EXOSC8: variants seen among roughly 807,000 people sequenced by gnomAD.
The protein encoded by EXOSC8 is exosome component 8.
In EXOSC8, 37 loss-of-function variants were observed where a neutral mutation model predicts 39.9. The ratio of observed to expected loss-of-function variants is 0.93; its 90% CI spans 0.71 to 1.22. The LOEUF is 1.22. Ranked by LOEUF, EXOSC8 falls within the 50% of genes most tolerant of loss-of-function variation. The pLI is 0.00. For synonymous variants in EXOSC8, 93 were observed against 109.5 expected, an observed-to-expected ratio of 0.85 and a Z score of 0.94; for missense variants, 313 against 326.6, an observed-to-expected ratio of 0.96 and a Z score of 0.32.
intron 7 of EXOSC8, among the ~76,000 whole-genome samples, chr13:37,006,770 A>C (rs139747953): frequency 8.5e-5 from 13 of 152,360 alleles, no homozygotes; most frequent in African/African-American, 2.9e-4. Context: ...CCTGGCAATC[A>C]AAAGCCAGCT....
Position 37,009,608 on chromosome 13 carries a change from AACTC to A in EXOSC8, c.*311_*314del. The A allele has an allele frequency of 6.3e-7, 1 of 1,594,608 alleles. No homozygotes were observed. The highest frequency in any genetic ancestry group is 8.6e-7 in the Non-Finnish European group (1 of 1,163,398). On this transcript the variant is annotated 3_prime_UTR_variant, in exon 11 of 11. Transcript: ENST00000389704. ...CACATTAAAAAAAACAAAAAGTAGAAACTCAATTCTTTTGATTCAGTGCTCTTGT... is the reference window on the plus strand; with the variant it reads ...CACATTAAAAAAAACAAAAAGTAGAAAATTCTTTTGATTCAGTGCTCTTGT...
chr13:37,002,410 T>A (rs570221508), intron 2 of EXOSC8, 78 bp from the exon 3 acceptor site: 1 of 1,347,704 alleles, frequency 7.4e-7, no homozygotes, highest in South Asian at 1.2e-5. Context: ...TAACATTTAA[T>A]GTGTGTGTAA....
rs1421308588 is a variant in EXOSC8 at position 37,008,093 on chromosome 13, CT to C, written c.527del (p.Leu176Ter). Reference sequence around the variant, plus strand: ...GAAGTTACTATAAATGAAGAAACTGCTTTAGCAGAAGTTAATTTAAAGAAGA... The same window carrying C: ...GAAGTTACTATAAATGAAGAAACTGCTTAGCAGAAGTTAATTTAAAGAAGA... ...LPEVTINEET[A>X]LAEVNLKKKS... On this transcript the variant is annotated frameshift_variant, in exon 9 of 11. Coordinates refer to ENST00000389704, the MANE Select transcript of EXOSC8 (RefSeq NM_181503.3). LOFTEE classifies it high-confidence loss of function. 2 of 1,596,342 alleles carry C rather than the reference CT, an allele frequency of 1.3e-6. No homozygotes were observed. The highest frequency in any genetic ancestry group is 1.7e-6 in the Non-Finnish European group (2 of 1,171,262).
intron 8 of EXOSC8, 27 bp from the exon 9 acceptor site, chr13:37,008,030 T>C: frequency 1.3e-6 from 2 of 1,526,972 alleles, no homozygotes; most frequent in Non-Finnish European, 1.8e-6. Flanking sequence ...AGAGACTTAC[T>C]TACTTTACAA....
Position 37,009,366 on chromosome 13 carries a change from T to C in EXOSC8, c.*67T>C, listed in dbSNP as rs2059207782. The C allele has an allele frequency of 1.1e-6, 1 of 873,128 alleles. No individual in the cohort carries two copies. The highest frequency in any genetic ancestry group is 1.8e-6 in the Non-Finnish European group (1 of 547,112). The allele number at this position is 873,128 out of a possible 1,614,324, so 54.1% of individuals were successfully genotyped here. A position where few individuals can be genotyped will look rare whatever the true frequency, so the allele number is the denominator to read the frequency against. On this transcript the variant is annotated 3_prime_UTR_variant, in exon 11 of 11. Transcript: ENST00000389704. ...TTGTTAACACTGTGCACAAACGTTT[T>C]ATACTAAATAAATATCAAACTACAT...
rs537421331 is a variant in EXOSC8, at chr13:37,009,335, T to C, written c.*36T>C. 100 of 1,236,232 alleles carry C rather than the reference T, an allele frequency of 8.1e-5. No homozygotes were observed. The highest frequency in any genetic ancestry group is 2.9e-4 in the South Asian group (23 of 80,670). 76.6% of individuals were successfully genotyped at this position (1,236,232 alleles called of 1,614,324 possible). ...CATTTTCAAAACAGATTTGTAAAAA[T>C]TGTATTTGTTAACACTGTGCACAAA... On this transcript the variant is annotated 3_prime_UTR_variant, in exon 11 of 11. Transcript: ENST00000389704.
intron 1 of EXOSC8, 122 bp downstream of exon 1, chr13:37,000,944 T>A: frequency 1.6e-6 from 2 of 1,245,058 alleles, no homozygotes; most frequent in Non-Finnish European, 2.2e-6. Context: ...TCCTTCCTCG[T>A]CGAGGCAGAC....
chr13:37,002,291 G>C lies in EXOSC8; in HGVS notation c.36G>C (p.Glu12Asp). 1 of 1,609,608 alleles carries C rather than the reference G, an allele frequency of 6.2e-7. No homozygotes were observed. The highest frequency in any genetic ancestry group is 8.5e-7 in the Non-Finnish European group (1 of 1,176,336). ...GTTTCAGAACCGTGGAACCTCTGGAGTATTACAGGAGATTTCTGGTGAGTA... is the reference window on the plus strand; with the variant it reads ...GTTTCAGAACCGTGGAACCTCTGGACTATTACAGGAGATTTCTGGTGAGTA... ...AAGFKTVEPL[E>D]YYRRFLKENC... The change falls in exon 2 of 11, where the codon GAG becomes GAC. Residue 12 changes from glutamate to aspartate, a missense_variant. Glu to Asp is a conservative substitution (Grantham distance 45). Coordinates refer to ENST00000389704, the MANE Select transcript of EXOSC8 (RefSeq NM_181503.3).
rs1202745505 is a variant in EXOSC8, at chr13:37,007,022, A to C, written c.438A>C (p.Gly146=). 5 of 1,613,700 alleles carry C rather than the reference A, an allele frequency of 3.1e-6. No homozygotes were observed. Among genetic ancestry groups the C allele is most frequent in the Non-Finnish European group, 3.4e-6 (4 of 1,179,708 alleles). ...ATCTCATTTGCCTCGACTACGATGG[A>C]AACATTTTGGATGCCTGCACATTTG... is the stretch of plus-strand genomic sequence containing the variant. ...YCDLICLDYD[G]NILDACTFAL... is the part of the protein sequence containing the mutation. Residue 146 remains glycine, a synonymous_variant, in exon 8 of 11, where the codon GGA becomes GGC. Transcript: ENST00000389704.
chr13:37,006,071 G>A (rs939228721), intron 6 of EXOSC8, 44 bp from the exon 7 acceptor site: 1 of 1,587,908 alleles, frequency 6.3e-7, no homozygotes, highest in African/African-American at 1.3e-5. Flanking sequence ...TTTTCAGATA[G>A]TTTTGGGCTT....
At chr13:37,000,857 C>T (rs572555597) in intron 1 of EXOSC8, 35 bp downstream of exon 1, 6 of 1,490,840 alleles carry the variant, frequency 4.0e-6, no homozygotes, top group African/African-American at 1.4e-5. Flanking sequence ...GAGTTCTGTA[C>T]CCTGGCGGAC....
chr13:37,002,092 A>G lies in EXOSC8; in HGVS notation c.18-181A>G, dbSNP rs143855245. ...CCAATCTTCTAATCGTTTATGGCAG[A>G]GTTAAGGACAGCAATTGAATGTGAT... On this transcript the variant is annotated intron_variant, in intron 1 of 10. Coordinates refer to ENST00000389704, the MANE Select transcript of EXOSC8 (RefSeq NM_181503.3). 1.4e-4 allele frequency among the ~76,000 whole-genome samples: 22 copies of G among 152,326 alleles called. No homozygotes were observed. In the East Asian group the frequency reaches 4.0e-3, roughly 28 times the overall value.
At chr13:37,008,219 A>C in intron 9 of EXOSC8, 42 bp downstream of exon 9, 1 of 1,483,944 alleles carries the variant, frequency 6.7e-7, no homozygotes, top group Non-Finnish European at 9.3e-7. Context: ...TATATTTAAG[A>C]TTAGGGTAAT....
Position 37,005,885 on chromosome 13 carries a change from AG to A in EXOSC8, c.239-33del, listed in dbSNP as rs770861941. The A allele has an allele frequency of 5.1e-5, 40 of 785,186 alleles. No homozygotes were observed. The African/African-American group carries it at 6.4e-4, about 13-fold the overall frequency. 48.6% of individuals were successfully genotyped at this position (785,186 alleles called of 1,614,324 possible). On this transcript the variant is annotated intron_variant, in intron 5 of 10. Coordinates refer to ENST00000389704, the MANE Select transcript of EXOSC8 (RefSeq NM_181503.3). Reference sequence around the variant, plus strand: ...CTCAAAAAAAAAAAAAAAAAAAAAAAGGTTTAGTTCATAGCTGCAGAGTGTT... The same window carrying A: ...CTCAAAAAAAAAAAAAAAAAAAAAAAGTTTAGTTCATAGCTGCAGAGTGTT...
chr13:37,002,809 A>G (rs761067128), intron 3 of EXOSC8, 125 bp from the exon 4 acceptor site: 6 of 704,932 alleles, frequency 8.5e-6, no homozygotes, highest in Non-Finnish European at 1.5e-5. Context: ...AATATTCATA[A>G]GCAACTGAGA....
At chr13:37,008,009 ATTTG>A in intron 8 of EXOSC8, 44 bp from the exon 9 acceptor site, 2 of 1,409,062 alleles carry the variant, frequency 1.4e-6, no homozygotes, top group African/African-American at 1.5e-5. Context: ...CTTAGAAATC[ATTTG>A]TTTCTTAGAG....
chr13:37,006,296 T>A, intron 7 of EXOSC8, 136 bp downstream of exon 7: 1 of 619,028 alleles, frequency 1.6e-6, no homozygotes, highest in Non-Finnish European at 2.8e-6. Context: ...TTTTAGAGAT[T>A]CAGTAATTTC....
In EXOSC8 at chr13:37,007,199, A is replaced by C. The variant is rs926175383; in HGVS notation, c.487+128A>C. ...GAATGTAATGCTGACATGACTTTCCAAATATAGTTGATAGTTGTATATTCT... is the reference window on the plus strand; with the variant it reads ...GAATGTAATGCTGACATGACTTTCCCAATATAGTTGATAGTTGTATATTCT... On this transcript the variant is annotated intron_variant, in intron 8 of 10. Transcript: ENST00000389704. 1.3e-4 allele frequency: 87 copies of C among 689,664 alleles called. 1 individual carries two copies. Among genetic ancestry groups the C allele is most frequent in the Middle Eastern group, 9.8e-4 (4 of 4,072 alleles). 42.7% of individuals were successfully genotyped at this position (689,664 alleles called of 1,614,324 possible). A position where few individuals can be genotyped will look rare whatever the true frequency, so the allele number is the denominator to read the frequency against.
chr13:37,005,724 C>T (rs1160713312), intron 5 of EXOSC8, among the ~76,000 whole-genome samples, 196 bp from the exon 6 acceptor site: 2 of 151,744 alleles, frequency 1.3e-5, no homozygotes, highest in African/African-American at 4.8e-5. Context: ...ATTAGCCGGG[C>T]GTGGTGGCGT....
Sources: allele counts gnomAD v4.1 joint callset (sites outside exome capture counted in the v4.1 genomes callset), GRCh38; gene constraint gnomAD v4.1.1; transcripts MANE v1.5; gene names NCBI Gene and HGNC (gene_info 2026-07-23, HGNC 2026-07-21).